TTC28: variants seen among roughly 807,000 people sequenced by gnomAD.
The protein encoded by TTC28 is tetratricopeptide repeat domain 28.
In TTC28, 61 loss-of-function variants were observed where a neutral mutation model predicts 198.0. That is an observed-to-expected ratio of 0.31 (90% CI 0.25 to 0.38). The LOEUF is 0.38. Ranked by LOEUF, TTC28 falls within the 10% of genes least tolerant of loss-of-function variation. TTC28 has a pLI of 1.00. For missense variants in TTC28, 2,678 were observed against 3,164.0 expected, an observed-to-expected ratio of 0.85 and a Z score of 3.69; for synonymous variants, 1,171 against 1,297.8, an observed-to-expected ratio of 0.90 and a Z score of 2.10.
intron 5 of TTC28, among the ~76,000 whole-genome samples, chr22:28,214,453 C>T (rs1927207861): frequency 6.6e-6 from 1 of 152,142 alleles, no homozygotes; most frequent in South Asian, 2.1e-4. Flanking sequence ...CAAACAACCT[C>T]ATCAAAAAGT....
chr22:28,065,381 G>A (rs558757915), intron 12 of TTC28, among the ~76,000 whole-genome samples: 19 of 152,276 alleles, frequency 1.2e-4, no homozygotes, highest in South Asian at 2.1e-4. Flanking sequence ...CGTATGCTTC[G>A]AGGTCACTGA....
At chr22:28,480,632 C>A (rs959557175) in intron 2 of TTC28, among the ~76,000 whole-genome samples, 1 of 152,062 alleles carries the variant, frequency 6.6e-6, no homozygotes, top group Non-Finnish European at 1.5e-5. Flanking sequence ...TATGTAAGAA[C>A]CAAGTCAAAA....
intron 12 of TTC28, among the ~76,000 whole-genome samples, chr22:28,044,301 C>G (rs5752688): frequency 6.6e-6 from 1 of 152,068 alleles, no homozygotes; most frequent in African/African-American, 2.4e-5. Context: ...TTCTGTTGGT[C>G]GGAAGGCAAA....
intron 2 of TTC28, among the ~76,000 whole-genome samples, chr22:28,472,060 C>T (rs2048102784): frequency 6.6e-6 from 1 of 152,086 alleles, no homozygotes; most frequent in Non-Finnish European, 1.5e-5. Flanking sequence ...AAAGATTCTG[C>T]CTTTCCTGAA....
At chr22:28,020,794 C>CACAA (rs1307462440) in intron 13 of TTC28, among the ~76,000 whole-genome samples, 1 of 151,840 alleles carries the variant, frequency 6.6e-6, no homozygotes, top group African/African-American at 2.4e-5. Context: ...CACACACACA[C>CACAA]ACACACACGC....
chr22:28,162,529 T>A (rs1601407668), intron 6 of TTC28, among the ~76,000 whole-genome samples: 1 of 152,340 alleles, frequency 6.6e-6, no homozygotes, highest in East Asian at 1.9e-4. Context: ...TGGTTGCTCT[T>A]CTCTTTCTAT....
At chr22:28,225,752 T>C (rs1928291444) in intron 5 of TTC28, among the ~76,000 whole-genome samples, 2 of 152,222 alleles carry the variant, frequency 1.3e-5, no homozygotes, top group Non-Finnish European at 2.9e-5. Context: ...AACCAAAATT[T>C]TTCTCATGCC....
chr22:28,377,466 G>A (rs959238009), intron 2 of TTC28, among the ~76,000 whole-genome samples: 1 of 151,516 alleles, frequency 6.6e-6, no homozygotes, highest in Admixed American at 6.6e-5. Flanking sequence ...CTATTTTCCA[G>A]TGAGGAAACA....
chr22:28,428,875 C>T (rs974838981), intron 2 of TTC28, among the ~76,000 whole-genome samples: 1 of 151,970 alleles, frequency 6.6e-6, no homozygotes, highest in South Asian at 2.1e-4. Context: ...CTCCTGACCT[C>T]GTGATCTGCC....
At chr22:28,515,952 C>T (rs1244301073) in intron 2 of TTC28, among the ~76,000 whole-genome samples, 1 of 152,008 alleles carries the variant, frequency 6.6e-6, no homozygotes, top group African/African-American at 2.4e-5. Flanking sequence ...CAAGACCAGC[C>T]TGGCCAACAT....
intron 2 of TTC28, among the ~76,000 whole-genome samples, chr22:28,338,497 T>C (rs2045771059): frequency 6.6e-6 from 1 of 152,228 alleles, no homozygotes; most frequent in South Asian, 2.1e-4. Context: ...AGATTTGGTC[T>C]TTTCACATAG....
At chr22:28,083,095 C>A (rs1475333234) in intron 12 of TTC28, among the ~76,000 whole-genome samples, 1 of 146,268 alleles carries the variant, frequency 6.8e-6, no homozygotes, top group Non-Finnish European at 1.5e-5. Flanking sequence ...TTGTCTTAAG[C>A]AACTAGTTAT....
At chr22:28,187,661 C>T (rs1406696003) in intron 5 of TTC28, among the ~76,000 whole-genome samples, 1 of 152,166 alleles carries the variant, frequency 6.6e-6, no homozygotes, top group Non-Finnish European at 1.5e-5. Flanking sequence ...TGGGTGCCAT[C>T]AAAGGCAAAC....
chr22:28,491,811 A>G (rs528236947), intron 2 of TTC28, among the ~76,000 whole-genome samples: 6 of 152,242 alleles, frequency 3.9e-5, no homozygotes, highest in East Asian at 3.9e-4. Context: ...ACATGCACAC[A>G]TATGTTTATT....
chr22:28,229,259 C>A (rs1928615232), intron 5 of TTC28, among the ~76,000 whole-genome samples: 1 of 152,222 alleles, frequency 6.6e-6, no homozygotes, highest in Non-Finnish European at 1.5e-5. Flanking sequence ...AGAATATCTA[C>A]TGTCTTTAAA....
chr22:28,371,502 C>T (rs2046331273), intron 2 of TTC28, among the ~76,000 whole-genome samples: 1 of 2,162 alleles, frequency 4.6e-4, no homozygotes, highest in East Asian at 9.8e-3. Flanking sequence ...AGAGTGAGAC[C>T]CTGTCTCAAA....
chr22:28,600,278 G>T (rs191032208), intron 2 of TTC28, among the ~76,000 whole-genome samples: 1 of 151,922 alleles, frequency 6.6e-6, no homozygotes, highest in Admixed American at 6.6e-5. Context: ...GGTGGCACAC[G>T]CCTGTAGTCC....
intron 2 of TTC28, among the ~76,000 whole-genome samples, chr22:28,616,833 C>G (rs943377030): frequency 4.7e-5 from 7 of 147,804 alleles, no homozygotes; most frequent in Non-Finnish European, 8.9e-5. Flanking sequence ...GGTGACAGAG[C>G]AAGACCCTGT....
chr22:28,151,625 G>C (rs1434852695), intron 6 of TTC28, among the ~76,000 whole-genome samples: 1 of 152,206 alleles, frequency 6.6e-6, no homozygotes, highest in East Asian at 1.9e-4. Context: ...GCACAGCACA[G>C]GATGCGCATG....
Sources: allele counts gnomAD v4.1 joint callset (sites outside exome capture counted in the v4.1 genomes callset), GRCh38; gene constraint gnomAD v4.1.1; transcripts MANE v1.5; gene names NCBI Gene and HGNC (gene_info 2026-07-23, HGNC 2026-07-21).